SPECC1: variants seen among roughly 807,000 people sequenced by gnomAD.
The protein encoded by SPECC1 is cytospin-B.
A neutral mutation model predicts 104.1 loss-of-function variants in SPECC1; 62 were observed. The ratio of observed to expected loss-of-function variants is 0.60; its 90% confidence interval spans 0.49 to 0.74. The LOEUF (loss-of-function observed/expected upper bound fraction) is 0.74, where lower values mean the gene tolerates loss of function less well. SPECC1 is among the 30% of genes least tolerant of loss of function. The pLI, the probability that SPECC1 is intolerant of heterozygous loss-of-function variation, is 0.00. For synonymous variants in SPECC1, 513 were observed against 501.6 expected (o/e 1.02, Z -0.30); for missense variants, 1,306 against 1,310.5 (o/e 1.00, Z 0.05).
At chr17:20,135,430 G>A (rs922670278) in intron 3 of SPECC1, among the ~76,000 whole-genome samples, 1 of 152,152 alleles carries the variant, frequency 6.6e-6, no homozygotes, top group African/African-American at 2.4e-5. Flanking sequence ...ATTAAGCCAA[G>A]AAGTTTGCAA....
intron 3 of SPECC1, among the ~76,000 whole-genome samples, chr17:20,188,460 G>A (rs2035433146): frequency 6.6e-6 from 1 of 152,036 alleles, no homozygotes; most frequent in African/African-American, 2.4e-5. Flanking sequence ...GTTTCACCAT[G>A]TTGGCTAGGC....
At chr17:20,044,512 A>C (rs1191776481) in intron 1 of SPECC1, among the ~76,000 whole-genome samples, 3 of 152,200 alleles carry the variant, frequency 2.0e-5, no homozygotes, top group African/African-American at 7.2e-5. Context: ...TCATCTGGAA[A>C]AGAGCGTGAT....
At chr17:20,138,292 A>G (rs542030392) in intron 3 of SPECC1, among the ~76,000 whole-genome samples, 8 of 152,094 alleles carry the variant, frequency 5.3e-5, no homozygotes, top group African/African-American at 1.9e-4. Context: ...GAGTTTCCAT[A>G]CACCCTCTGC....
intron 7 of SPECC1, chr17:20,239,026 A>T: frequency 9.7e-7 from 1 of 1,034,758 alleles, no homozygotes; most frequent in Non-Finnish European, 1.2e-6. Context: ...GGTAGAAAAA[A>T]GCTGGATGTA....
chr17:20,237,039 C>T (rs1403418944), intron 7 of SPECC1: 13 of 1,494,094 alleles, frequency 8.7e-6, no homozygotes, highest in East Asian at 4.9e-5. Context: ...GAGTCATTGC[C>T]GTCGAGTCTC....
At chr17:20,179,852 A>C (rs540067265) in intron 3 of SPECC1, among the ~76,000 whole-genome samples, 1 of 152,224 alleles carries the variant, frequency 6.6e-6, no homozygotes, top group Non-Finnish European at 1.5e-5. Flanking sequence ...ACACGGCTGA[A>C]GATTCAGAAT....
intron 1 of SPECC1, among the ~76,000 whole-genome samples, chr17:20,045,824 G>GT (rs919638727): frequency 6.6e-6 from 1 of 152,062 alleles, no homozygotes; most frequent in Admixed American, 6.6e-5. Context: ...TATCAGTAGT[G>GT]TTTTTTGGGC....
chr17:20,244,821 C>T (rs2039352025), intron 7 of SPECC1, among the ~76,000 whole-genome samples: 1 of 152,214 alleles, frequency 6.6e-6, no homozygotes, highest in Non-Finnish European at 1.5e-5. Flanking sequence ...CAATATGATA[C>T]AATGAAGAGA....
intron 3 of SPECC1, among the ~76,000 whole-genome samples, chr17:20,158,535 A>G (rs1256462269): frequency 6.6e-6 from 1 of 152,176 alleles, no homozygotes; most frequent in Non-Finnish European, 1.5e-5. Context: ...TGGCCACTTG[A>G]TGGGGGAGCT....
At chr17:20,138,457 G>A (rs745499343) in intron 3 of SPECC1, among the ~76,000 whole-genome samples, 6 of 152,102 alleles carry the variant, frequency 3.9e-5, no homozygotes, top group Non-Finnish European at 7.3e-5. Context: ...ATAATGCCAC[G>A]TATCGGCAAT....
intron 1 of SPECC1, among the ~76,000 whole-genome samples, chr17:20,045,573 T>G (rs1220659119): frequency 6.6e-6 from 1 of 152,206 alleles, no homozygotes; most frequent in Non-Finnish European, 1.5e-5. Flanking sequence ...TGCCCTGAGT[T>G]TCTCTCTCAC....
rs768397612 is a variant in SPECC1, at chr17:20,245,939, G to A, written c.2365G>A (p.Glu789Lys). The A allele has an allele frequency of 1.2e-5, 20 of 1,614,134 alleles. No individual in the cohort carries two copies. Among genetic ancestry groups the A allele is most frequent in the Non-Finnish European group, 1.7e-5 (20 of 1,180,026 alleles). The change falls in exon 8 of 15, where the codon GAG becomes AAG. Residue 789 changes from glutamate to lysine, a missense_variant. Physicochemically the swap from Glu to Lys is moderately conservative, Grantham distance 56 (BLOSUM62 1). Transcript: ENST00000395527. ...SRAAPPPVDE[E>K]PESSEVDAAG... is the part of the protein sequence containing the mutation. ...TTTGCCATGCAGACCTGTGGATGAA[G>A]AGCCAGAGTCCTCTGAGGTCGATGC... is the stretch of plus-strand genomic sequence containing the variant.
chr17:20,195,749 G>A (rs1025988473), intron 3 of SPECC1, among the ~76,000 whole-genome samples: 2 of 152,094 alleles, frequency 1.3e-5, no homozygotes, highest in Admixed American at 1.3e-4. Context: ...AGTAGAGATA[G>A]AGTTTTGCCA....
chr17:20,073,220 TCA>T (rs752595633), intron 1 of SPECC1, among the ~76,000 whole-genome samples: 7 of 152,126 alleles, frequency 4.6e-5, no homozygotes, highest in African/African-American at 7.2e-5. Flanking sequence ...CACCTAGAAC[TCA>T]CAGTGTTCAC....
rs920469580 is a variant in SPECC1, at chr17:20,171,556, A to AT, written c.284-32768dup. 1.9e-3 allele frequency among the ~76,000 whole-genome samples: 282 copies of AT among 150,556 alleles called. 1 individual carries two copies. The highest frequency in any genetic ancestry group is 5.6e-3 in the African/African-American group (231 of 41,096). Reference sequence around the variant, plus strand: ...TTTTTTCATTACTTAGGTTATTCCTATTTTTTTTTGAGACAGAGTCTTGCG... The same window carrying AT: ...TTTTTTCATTACTTAGGTTATTCCTATTTTTTTTTTGAGACAGAGTCTTGCG... On this transcript the variant is annotated intron_variant, in intron 3 of 14. Transcript: ENST00000395527.
chr17:20,209,915 G>T lies in SPECC1; in HGVS notation c.1863+4003G>T, dbSNP rs184110607. ...AAAATTATCTATTTATTCCCGTGAGGTTGAAGCTTATAGGTGGTATCCTTA... is the reference window on the plus strand; with the variant it reads ...AAAATTATCTATTTATTCCCGTGAGTTTGAAGCTTATAGGTGGTATCCTTA... On this transcript the variant is annotated intron_variant, in intron 4 of 14. Coordinates refer to ENST00000395527, the MANE Select transcript of SPECC1 (RefSeq NM_001243439.2). 4.6e-5 allele frequency among the ~76,000 whole-genome samples: 7 copies of T among 152,348 alleles called. No homozygotes were observed. In the East Asian group the frequency reaches 1.3e-3, roughly 29 times the overall value.
chr17:20,167,327 AGAAAT>A (rs1008022565), intron 3 of SPECC1, among the ~76,000 whole-genome samples: 15 of 152,144 alleles, frequency 9.9e-5, no homozygotes, highest in African/African-American at 3.6e-4. Context: ...CAATTCATAA[AGAAAT>A]GAAACACTTG....
In SPECC1 at chr17:20,257,504, A is replaced by G. The variant is rs1471586080; in HGVS notation, c.2734A>G (p.Ser912Gly). The G allele has an allele frequency of 6.2e-7, 1 of 1,610,902 alleles. No homozygotes were observed. ...TLKPDPHLRK[S>G]PSLESLSRPP... ...GAAGCCAGACCCCCACCTCCGCAAG[A>G]GTCCCTCACTAGAGTCACTGAGCAG... is the stretch of plus-strand genomic sequence containing the variant. The change falls in exon 11 of 15, where the codon AGT (serine) becomes GGT (glycine). Residue 912 changes from serine to glycine, a missense_variant. Ser to Gly is a moderately conservative substitution (Grantham distance 56). This residue lies in a region of SPECC1 where 1,177 missense variants were observed against 1,139.9 expected (regional missense o/e 1.03). Transcript: ENST00000395527.
chr17:20,096,750 G>C lies in SPECC1; in HGVS notation c.99G>C (p.Lys33Asn). 3.1e-6 allele frequency: 5 copies of C among 1,614,218 alleles called. No homozygotes were observed. Among genetic ancestry groups the C allele is most frequent in the Non-Finnish European group, 4.2e-6 (5 of 1,180,030 alleles). The part of the protein sequence containing the change: ...RPLPAASSGM[K>N]SSKSSTSLAF... ...TGCCTGCAGCCTCTTCCGGCATGAAGAGTTCTAAGTCTTCAACTTCCTTGG... is the reference window on the plus strand; with the variant it reads ...TGCCTGCAGCCTCTTCCGGCATGAACAGTTCTAAGTCTTCAACTTCCTTGG... The change falls in exon 2 of 15, where the codon AAG (lysine) becomes AAC (asparagine). Residue 33 changes from lysine to asparagine, a missense_variant. Lys to Asn is a moderately conservative substitution (Grantham distance 94, BLOSUM62 0). Around this residue, in one of 2 missense-constraint regions of SPECC1, gnomAD observed 1,177 missense variants for 1,139.9 expected, o/e 1.03. Coordinates refer to ENST00000395527, the MANE Select transcript of SPECC1 (RefSeq NM_001243439.2).
Sources: allele counts gnomAD v4.1 joint callset (sites outside exome capture counted in the v4.1 genomes callset), GRCh38; gene constraint gnomAD v4.1.1; regional missense constraint gnomAD v4.1.1; transcripts MANE v1.5; gene names NCBI Gene and HGNC (gene_info 2026-07-23, HGNC 2026-07-21).